The following CDH22 variants were observed in gnomAD, a reference collection of about 807,000 sequenced individuals.
CDH22 encodes the protein cadherin 22, also known as cadherin-22.
CDH22 carries 30 observed loss-of-function variants against 58.4 expected under a neutral mutation model. The observed-to-expected ratio is 0.51, with a 90% confidence interval of 0.38 to 0.70. The LOEUF is 0.70. Ranked by LOEUF, CDH22 falls within the 30% of genes least tolerant of loss-of-function variation. The probability of loss-of-function intolerance (pLI) is 0.00; values close to 1 mark genes in which losing one functional copy is unlikely to be tolerated. For synonymous variants in CDH22, 513 were observed against 558.2 expected, an observed-to-expected ratio of 0.92 and a Z score of 1.14; for missense variants, 1,014 against 1,233.9, an observed-to-expected ratio of 0.82 and a Z score of 2.67.
Position 46,218,934 on chromosome 20 carries a change from T to C in CDH22, c.671-1941A>G, listed in dbSNP as rs138554637. ...TGGTGCCCGGGGCCTGTGCGCCAGG[T>C]GGAGTCATGCACCAGCAGCCCCATG... is the stretch of plus-strand genomic sequence containing the variant. On this transcript the variant is annotated intron_variant, in intron 4 of 11. Transcript: ENST00000537909. Among the ~76,000 whole-genome samples the C allele has an allele frequency of 8.9e-3, 1,357 of 152,158 alleles. 19 individuals carry two copies. Among genetic ancestry groups the C allele is most frequent in the African/African-American group, 0.031 (1,301 of 41,478 alleles).
At chr20:46,242,193 CTATCTTTATTT>C (rs2086295153) in intron 2 of CDH22, among the ~76,000 whole-genome samples, 1 of 152,162 alleles carries the variant, frequency 6.6e-6, no homozygotes, top group South Asian at 2.1e-4. Context: ...GTAGGTTTTT[CTATCTTTATTT>C]TACAGATTTT....
intron 2 of CDH22, among the ~76,000 whole-genome samples, chr20:46,242,997 C>T (rs908414366): frequency 5.9e-5 from 9 of 152,118 alleles, no homozygotes; most frequent in African/African-American, 1.9e-4. Context: ...CTTCCAATGC[C>T]CAAATCTCCC....
rs544591526 is a variant in CDH22, at chr20:46,302,105, C to T, written c.-400+6150G>A. 1.5e-4 allele frequency among the ~76,000 whole-genome samples: 23 copies of T among 152,314 alleles called. No individual in the cohort carries two copies. The East Asian group carries it at 4.1e-3, about 27-fold the overall frequency. Reference sequence around the variant, plus strand: ...GCCTCAGGCCCCCTCTCCTCACACCCAAATTTAATTCAGTGAATGGAGTGA... The same window carrying T: ...GCCTCAGGCCCCCTCTCCTCACACCTAAATTTAATTCAGTGAATGGAGTGA... On this transcript the variant is annotated intron_variant, in intron 1 of 11. Transcript: ENST00000537909.
chr20:46,188,527 G>A (rs1190268086), intron 8 of CDH22, among the ~76,000 whole-genome samples: 1 of 152,154 alleles, frequency 6.6e-6, no homozygotes, highest in African/African-American at 2.4e-5. Context: ...GGCATAAATG[G>A]GTTAATAGGT....
intron 2 of CDH22, among the ~76,000 whole-genome samples, chr20:46,243,228 G>A (rs1053761856): frequency 5.9e-5 from 9 of 152,210 alleles, no homozygotes; most frequent in East Asian, 1.9e-4. Flanking sequence ...AGGAGGAGCC[G>A]GGGTATAAAT....
chr20:46,307,359 A>G (rs984729673), intron 1 of CDH22, among the ~76,000 whole-genome samples: 1 of 152,212 alleles, frequency 6.6e-6, no homozygotes, highest in Non-Finnish European at 1.5e-5. Context: ...AGACGGGTCC[A>G]CACTGTGCCC....
At chr20:46,243,588 G>A (rs2086308147) in intron 2 of CDH22, among the ~76,000 whole-genome samples, 1 of 152,116 alleles carries the variant, frequency 6.6e-6, no homozygotes, top group African/African-American at 2.4e-5. Flanking sequence ...TCAGGACATC[G>A]GCCCTGAATC....
Position 46,175,047 on chromosome 20 carries a change from C to T in CDH22, c.1946G>A (p.Arg649His), listed in dbSNP as rs1382082248. 6.2e-7 allele frequency: 1 copy of T among 1,609,112 alleles called. No individual in the cohort carries two copies. Among genetic ancestry groups the T allele is most frequent in the East Asian group, 2.2e-5 (1 of 44,610 alleles). The change falls in exon 12 of 12, where the codon CGC (arginine) becomes CAC (histidine). Residue 649 changes from arginine (R) to histidine (H), a missense_variant. Around this residue, in one of 2 missense-constraint regions of CDH22, gnomAD observed 806 missense variants for 1,038.7 expected, o/e 0.78. Coordinates refer to ENST00000537909, the MANE Select transcript of CDH22 (RefSeq NM_021248.3). ...VLVLLILTLRRHHKSHLSSDE... is the reference protein window; with the variant it reads ...VLVLLILTLRHHHKSHLSSDE... Reference sequence around the variant, plus strand: ...CGAGCTCAGGTGGCTCTTGTGGTGGCGCCTGAGGGTGAGGATCAGCAGCAC... The same window carrying T: ...CGAGCTCAGGTGGCTCTTGTGGTGGTGCCTGAGGGTGAGGATCAGCAGCAC...
chr20:46,247,054 C>CG (rs397797133), intron 2 of CDH22, among the ~76,000 whole-genome samples: 24 of 151,758 alleles, frequency 1.6e-4, no homozygotes, highest in Middle Eastern at 3.4e-3. Context: ...CCTTCCCCCC[C>CG]ACTTAGTGGT....
At chr20:46,259,459 C>T (rs2086421390) in intron 1 of CDH22, among the ~76,000 whole-genome samples, 2 of 152,202 alleles carry the variant, frequency 1.3e-5, no homozygotes, top group Admixed American at 1.3e-4. Context: ...CTACTATGTG[C>T]CACACCACCT....
intron 10 of CDH22, among the ~76,000 whole-genome samples, chr20:46,184,831 G>A (rs998953294): frequency 9.9e-5 from 15 of 152,002 alleles, no homozygotes; most frequent in Admixed American, 6.5e-5. Flanking sequence ...AGGAACAGGC[G>A]CCCCAGCACT....
chr20:46,284,694 C>G (rs2086568008), intron 1 of CDH22, among the ~76,000 whole-genome samples: 1 of 152,154 alleles, frequency 6.6e-6, no homozygotes, highest in Non-Finnish European at 1.5e-5. Flanking sequence ...TGAGCCAAGG[C>G]CACAGGGCTG....
chr20:46,187,416 C>A (rs2085834353), intron 8 of CDH22, among the ~76,000 whole-genome samples: 1 of 151,970 alleles, frequency 6.6e-6, no homozygotes, highest in African/African-American at 2.4e-5. Flanking sequence ...TATACTGTTA[C>A]CATCACCACT....
chr20:46,227,464 G>GGCCCCCCCCC, intron 4 of CDH22, 44 bp downstream of exon 4: 4 of 1,351,114 alleles, frequency 3.0e-6, no homozygotes, highest in Non-Finnish European at 3.1e-6. Context: ...CCCGCCCCTG[G>GGCCCCCCCCC]CCCCGCCCCA....
chr20:46,295,289 G>C (rs958711323), intron 1 of CDH22, among the ~76,000 whole-genome samples: 1 of 152,152 alleles, frequency 6.6e-6, no homozygotes, highest in Middle Eastern at 3.2e-3. Context: ...TCAGAAAGAG[G>C]CCAACTTGAC....
At chr20:46,199,857 C>T (rs564012954) in intron 7 of CDH22, among the ~76,000 whole-genome samples, 2 of 152,214 alleles carry the variant, frequency 1.3e-5, no homozygotes. Context: ...TGGCAAAATG[C>T]TTGGCACAGT....
chr20:46,230,382 C>A (rs1302376226), intron 3 of CDH22, among the ~76,000 whole-genome samples: 1 of 151,974 alleles, frequency 6.6e-6, no homozygotes, highest in East Asian at 1.9e-4. Context: ...TCTCCATGGC[C>A]CAGTTTCAAG....
chr20:46,238,735 G>C (rs1006716888), intron 3 of CDH22, among the ~76,000 whole-genome samples: 3 of 152,118 alleles, frequency 2.0e-5, no homozygotes, highest in Non-Finnish European at 2.9e-5. Flanking sequence ...TATCCAAAAG[G>C]CAACCTCTTT....
intron 1 of CDH22, among the ~76,000 whole-genome samples, chr20:46,270,718 C>T (rs544874916): frequency 3.3e-5 from 5 of 152,262 alleles, no homozygotes; most frequent in African/African-American, 1.2e-4. Context: ...TCATCTTTAC[C>T]CCATGGATGG....
Sources: allele counts gnomAD v4.1 joint callset (sites outside exome capture counted in the v4.1 genomes callset), GRCh38; gene constraint gnomAD v4.1.1; regional missense constraint gnomAD v4.1.1; transcripts MANE v1.5; gene names NCBI Gene and HGNC (gene_info 2026-07-23, HGNC 2026-07-21).